Variants in HMG20A observed in about 807,000 individuals in gnomAD.
HMG20A encodes the protein high mobility group 20A, also known as high mobility group protein 20A.
HMG20A carries 17 observed loss-of-function variants against 43.9 expected under a neutral mutation model. The observed-to-expected ratio is 0.39, with a 90% CI of 0.27 to 0.58. The LOEUF is 0.58. HMG20A is among the 20% of genes least tolerant of loss of function. HMG20A has a pLI of 0.59. For missense variants in HMG20A, 341 were observed against 438.2 expected (o/e 0.78, Z 1.98); for synonymous variants, 132 against 147.5 (o/e 0.89, Z 0.76).
chr15:77,444,395 C>G (rs76725530), intron 1 of HMG20A, among the ~76,000 whole-genome samples: 3,441 of 152,270 alleles, frequency 0.023, 108 homozygotes, highest in African/African-American at 0.072. Context: ...TTGAACAGCA[C>G]TAGGCAATGC....
intron 2 of HMG20A, among the ~76,000 whole-genome samples, chr15:77,462,772 C>CT (rs71145836): frequency 0.012 from 1,576 of 127,748 alleles, 17 homozygotes; most frequent in East Asian, 0.043. Context: ...TTTTCTTTTT[C>CT]TTTTTTTTTT....
chr15:77,478,322 G>A lies in HMG20A; in HGVS notation c.719G>A (p.Arg240His), dbSNP rs193262331. ...CGGGAAGCAGAGCTCCGCCAGCTTCGCAAATCCAACATGGAGTTTGAGGAG... is the reference window on the plus strand; with the variant it reads ...CGGGAAGCAGAGCTCCGCCAGCTTCACAAATCCAACATGGAGTTTGAGGAG... ...KAREAELRQL[R>H]KSNMEFEERN... Residue 240 changes from arginine to histidine, a missense_variant, in exon 8 of 10, where the codon CGC (arginine) becomes CAC (histidine). Physicochemically the swap from Arg to His is conservative, Grantham distance 29. Transcript: ENST00000336216. The A allele has an allele frequency of 3.7e-6, 6 of 1,613,508 alleles. No homozygotes were observed. The highest frequency in any genetic ancestry group is 1.3e-5 in the African/African-American group (1 of 75,016).
chr15:77,429,207 G>A (rs945027596), intron 1 of HMG20A, among the ~76,000 whole-genome samples: 1 of 151,754 alleles, frequency 6.6e-6, no homozygotes, highest in Non-Finnish European at 1.5e-5. Flanking sequence ...ATTTAATATG[G>A]TGGGTTTTTT....
chr15:77,481,709 T>C (rs1342842019), intron 9 of HMG20A, among the ~76,000 whole-genome samples: 1 of 152,208 alleles, frequency 6.6e-6, no homozygotes, highest in Non-Finnish European at 1.5e-5. Flanking sequence ...TAGCTAAAAG[T>C]GTGAACTGTT....
chr15:77,489,462 A>T (rs889831885), downstream of HMG20A, among the ~76,000 whole-genome samples: 2 of 152,228 alleles, frequency 1.3e-5, no homozygotes, highest in East Asian at 3.8e-4. Context: ...AAGCCGTAGC[A>T]TGGTATGGTG....
chr15:77,457,691 G>C (rs370733312), intron 1 of HMG20A, among the ~76,000 whole-genome samples: 3 of 152,122 alleles, frequency 2.0e-5, no homozygotes, highest in African/African-American at 7.2e-5. Flanking sequence ...CCTGTACCCA[G>C]GTGCATGCTA....
the HMG20A span, among the ~76,000 whole-genome samples, chr15:77,500,685 C>T: frequency 6.6e-6 from 1 of 152,000 alleles, no homozygotes; most frequent in African/African-American, 2.4e-5. Context: ...TCTCCTGCCT[C>T]AGCCTCCCAA....
intron 1 of HMG20A, among the ~76,000 whole-genome samples, chr15:77,433,540 G>A (rs968404921): frequency 2.0e-5 from 3 of 152,122 alleles, no homozygotes; most frequent in East Asian, 1.9e-4. Context: ...TATTTACAGA[G>A]CAATCTCTTT....
At chr15:77,459,976 A>G (rs533524615) in intron 2 of HMG20A, among the ~76,000 whole-genome samples, 2 of 152,336 alleles carry the variant, frequency 1.3e-5, no homozygotes, top group Non-Finnish European at 2.9e-5. Context: ...TTTACTCTGA[A>G]GTGGGATAAC....
intron 1 of HMG20A, among the ~76,000 whole-genome samples, chr15:77,432,437 G>A (rs1187101538): frequency 6.6e-6 from 1 of 151,984 alleles, no homozygotes; most frequent in East Asian, 1.9e-4. Context: ...AAAACAAATT[G>A]TTGGCCAGTC....
At chr15:77,512,820 T>C in the HMG20A span, among the ~76,000 whole-genome samples, 1 of 152,202 alleles carries the variant, frequency 6.6e-6, no homozygotes, top group Admixed American at 6.5e-5. Context: ...ATATACTCAT[T>C]AATTTAACAC....
At chr15:77,426,158 G>C (rs2073425418) in intron 1 of HMG20A, among the ~76,000 whole-genome samples, 1 of 152,140 alleles carries the variant, frequency 6.6e-6, no homozygotes, top group Admixed American at 6.5e-5. Flanking sequence ...AAATGTGCCA[G>C]AATTAGATAG....
rs369539172 is a variant in HMG20A, at chr15:77,478,538, G to A, written c.907+28G>A. 2.4e-5 allele frequency: 37 copies of A among 1,573,122 alleles called. No homozygotes were observed. The African/African-American group carries it at 4.7e-4, about 20-fold the overall frequency. ...AAGTCCTCCTGCCTGAGAACTGTCA[G>A]TGACAGGGGTGTGTGTGTTGTGTGG... On this transcript the variant is annotated intron_variant, in intron 8 of 9. Coordinates refer to ENST00000336216, the MANE Select transcript of HMG20A (RefSeq NM_001304504.2).
intron 9 of HMG20A, among the ~76,000 whole-genome samples, chr15:77,480,763 T>G (rs2072900066): frequency 6.6e-6 from 1 of 151,800 alleles, no homozygotes; most frequent in South Asian, 2.1e-4. Flanking sequence ...ATGACACTTT[T>G]TGGTACTAAT....
At position 77,478,287 on chromosome 15, in the gene HMG20A, GTCC is replaced by G. The variant is rs983525523; in HGVS notation, c.692-5_692-3del. On this transcript the variant is annotated splice_polypyrimidine_tract_variant and splice_region_variant and intron_variant, in intron 7 of 9. Coordinates refer to ENST00000336216, the MANE Select transcript of HMG20A (RefSeq NM_001304504.2). ...GCTGCATGTGTTCTGTGGGATGTAT[GTCC>G]TCAGCTCGGGAAGCAGAGCTCCGCC... is the stretch of plus-strand genomic sequence containing the variant. 15 of 1,612,916 alleles carry G rather than the reference GTCC, an allele frequency of 9.3e-6. No homozygotes were observed. The African/African-American group carries it at 1.7e-4, about 19-fold the overall frequency.
intron 6 of HMG20A, among the ~76,000 whole-genome samples, chr15:77,473,042 ACT>A (rs1441469525): frequency 6.6e-6 from 1 of 152,120 alleles, no homozygotes; most frequent in Non-Finnish European, 1.5e-5. Flanking sequence ...TTTCTGATGT[ACT>A]CTTTTACATG....
At chr15:77,472,638 G>C (rs2072820241) in intron 6 of HMG20A, among the ~76,000 whole-genome samples, 1 of 152,214 alleles carries the variant, frequency 6.6e-6, no homozygotes, top group South Asian at 2.1e-4. Flanking sequence ...TTTGTGTACT[G>C]GCTTCTTTCC....
In HMG20A at chr15:77,438,877, G is replaced by A. The variant is rs1224514540; in HGVS notation, c.-5+17873G>A. Among the ~76,000 whole-genome samples, 5 of 152,006 alleles carry A rather than the reference G, an allele frequency of 3.3e-5. 1 individual carries two copies. In the South Asian group the frequency reaches 8.3e-4, roughly 25 times the overall value. On this transcript the variant is annotated intron_variant, in intron 1 of 9. Coordinates refer to ENST00000336216, the MANE Select transcript of HMG20A (RefSeq NM_001304504.2). Reference sequence around the variant, plus strand: ...GTGATCTCGGCTCACTGCAAGCTCCGCCTCCCTGGTTCACACCATTCTCCT... The same window carrying A: ...GTGATCTCGGCTCACTGCAAGCTCCACCTCCCTGGTTCACACCATTCTCCT...
intron 1 of HMG20A, among the ~76,000 whole-genome samples, chr15:77,427,426 C>T (rs528354436): frequency 6.6e-6 from 1 of 152,166 alleles, no homozygotes; most frequent in South Asian, 2.1e-4. Flanking sequence ...GATATGATAC[C>T]TACATTTCCC....
Sources: allele counts gnomAD v4.1 joint callset (sites outside exome capture counted in the v4.1 genomes callset), GRCh38; gene constraint gnomAD v4.1.1; transcripts MANE v1.5; gene names NCBI Gene and HGNC (gene_info 2026-07-23, HGNC 2026-07-21).